ABCC6: variants seen among roughly 807,000 people sequenced by gnomAD.
ABCC6 encodes the protein ATP-binding cassette sub-family C member 6.
Under a neutral mutation model 169.5 loss-of-function variants are expected in ABCC6, and 126 were observed. That is an observed-to-expected ratio of 0.74 (90% CI 0.64 to 0.86). The LOEUF is 0.86. Ranked by LOEUF, ABCC6 falls within the 40% of genes least tolerant of loss-of-function variation. ABCC6 has a pLI of 0.00. For synonymous variants in ABCC6, 752 were observed against 814.7 expected (o/e 0.92, Z 1.31); for missense variants, 1,733 against 1,927.2 (o/e 0.90, Z 1.89).
At chr16:16,156,942 CAA>C (rs33984541) in intron 27 of ABCC6, among the ~76,000 whole-genome samples, 21,483 of 100,780 alleles carry the variant, frequency 0.21, 2,051 homozygotes, top group East Asian at 0.44. Context: ...GACTCTGTCT[CAA>C]AAAAAAAAAA....
rs1182605041 is a variant in ABCC6, at chr16:16,154,856, C to T, written c.4041+17G>A. 62 of 1,611,662 alleles carry T rather than the reference C, an allele frequency of 3.8e-5. No homozygotes were observed. Among genetic ancestry groups the T allele is most frequent in the Admixed American group, 5.0e-5 (3 of 59,800 alleles). On this transcript the variant is annotated intron_variant, in intron 28 of 30. Transcript: ENST00000205557. ...ACCATGCCTCCCATCTTTGCCCACC[C>T]CCTCCACCAGCCTCACCTGGGGGAT...
At chr16:16,178,280 T>C (rs1203955940) in intron 18 of ABCC6, among the ~76,000 whole-genome samples, 1 of 151,496 alleles carries the variant, frequency 6.6e-6, no homozygotes, top group East Asian at 1.9e-4. Context: ...TGAGCGGAGA[T>C]CGCACCACTG....
At chr16:16,166,005 G>T in intron 22 of ABCC6, 72 bp from the exon 23 acceptor site, 1 of 1,484,712 alleles carries the variant, frequency 6.7e-7, no homozygotes, top group South Asian at 1.2e-5. Context: ...CCCTGCGCAG[G>T]TCTCTCCCGC....
chr16:16,163,077 C>T lies in ABCC6; in HGVS notation c.3422G>A (p.Arg1141Gln), dbSNP rs572351621. ...CTGAGCCACAAAGGGGGCCTGGGTT[C>T]GGAATGCCCGGACCACTGTGCTGCC... ...FQGSTVVRAF[R>Q]TQAPFVAQNN... Residue 1141 changes from arginine to glutamine, a missense_variant, in exon 24 of 31, where the codon CGA becomes CAA. Arg to Gln is a conservative substitution (Grantham distance 43). Coordinates refer to ENST00000205557, the MANE Select transcript of ABCC6 (RefSeq NM_001171.6). The T allele has an allele frequency of 2.7e-4, 429 of 1,613,914 alleles. 2 individuals carry two copies. The South Asian group carries it at 4.0e-3, about 15-fold the overall frequency.
chr16:16,177,762 G>T, intron 18 of ABCC6, 136 bp from the exon 19 acceptor site: 1 of 1,047,720 alleles, frequency 9.5e-7, no homozygotes, highest in Non-Finnish European at 1.4e-6. Flanking sequence ...GGCTGACACG[G>T]CTAAGCCCCA....
chr16:16,168,301 G>GTGGCTCATGCCTGT (rs1435648783), intron 22 of ABCC6, among the ~76,000 whole-genome samples: 62 of 151,688 alleles, frequency 4.1e-4, no homozygotes, highest in African/African-American at 5.1e-4. Flanking sequence ...GACCAGCCTG[G>GTGGCTCATGCCTGT]GCAACACGGC....
chr16:16,155,271 C>T (rs2046515289), intron 27 of ABCC6: 4 of 593,136 alleles, frequency 6.7e-6, no homozygotes, highest in Admixed American at 3.1e-5. Flanking sequence ...CATCTTTCTC[C>T]CCACCCTTCC....
At chr16:16,192,298 C>T (rs1277471906) in intron 11 of ABCC6, among the ~76,000 whole-genome samples, 2 of 152,106 alleles carry the variant, frequency 1.3e-5, no homozygotes, top group Admixed American at 6.5e-5. Context: ...GCAATAAGGC[C>T]AGCTCAGGGC....
At chr16:16,207,101 C>T (rs549628061) in intron 7 of ABCC6, among the ~76,000 whole-genome samples, 1 of 152,352 alleles carries the variant, frequency 6.6e-6, no homozygotes, top group South Asian at 2.1e-4. Flanking sequence ...GATCATACCA[C>T]AACCCAGTGA....
At chr16:16,220,354 A>T (rs2141222174) in intron 2 of ABCC6, 1 of 270,862 alleles carries the variant, frequency 3.7e-6, no homozygotes, top group South Asian at 3.7e-5. Context: ...TGGGCCAGTA[A>T]GTCTCTAGGG....
At chr16:16,188,069 T>G (rs1441378853) in intron 13 of ABCC6, among the ~76,000 whole-genome samples, 4 of 151,666 alleles carry the variant, frequency 2.6e-5, no homozygotes, top group Non-Finnish European at 5.9e-5. Context: ...AAACCCTGTC[T>G]CTACTAAAAA....
chr16:16,212,028 G>A (rs1284223718), intron 6 of ABCC6, among the ~76,000 whole-genome samples, 157 bp downstream of exon 6: 2 of 140,312 alleles, frequency 1.4e-5, no homozygotes, highest in Admixed American at 1.4e-4. Flanking sequence ...GGATGCAGAT[G>A]GTAGACACTG....
At chr16:16,217,985 G>A (rs1224672915) in intron 4 of ABCC6, among the ~76,000 whole-genome samples, 1 of 152,178 alleles carries the variant, frequency 6.6e-6, no homozygotes, top group African/African-American at 2.4e-5. Context: ...AGCTACTTGG[G>A]AGGCTGAGGT....
chr16:16,166,351 TG>T (rs978407016), intron 22 of ABCC6, among the ~76,000 whole-genome samples: 2 of 151,686 alleles, frequency 1.3e-5, no homozygotes, highest in African/African-American at 2.4e-5. Context: ...GCCTGTACCC[TG>T]CTTGTTTCTT....
chr16:16,159,409 G>C, intron 26 of ABCC6, 73 bp downstream of exon 26: 1 of 1,344,548 alleles, frequency 7.4e-7, no homozygotes, highest in Non-Finnish European at 1.0e-6. Context: ...TGTAGCAGAT[G>C]TCAACAGGGA....
At chr16:16,192,757 G>A (rs6498618) in intron 11 of ABCC6, 73 bp downstream of exon 11, 4 of 1,419,808 alleles carry the variant, frequency 2.8e-6, no homozygotes, top group Non-Finnish European at 9.9e-7. Context: ...TCTCCCCTCC[G>A]CATCTCCCAC....
At chr16:16,193,677 G>A (rs1253521696) in intron 10 of ABCC6, among the ~76,000 whole-genome samples, 2 of 152,208 alleles carry the variant, frequency 1.3e-5, no homozygotes, top group East Asian at 3.9e-4. Flanking sequence ...TCGCACCACT[G>A]CACTCCAGCC....
intron 10 of ABCC6, among the ~76,000 whole-genome samples, chr16:16,194,535 G>A (rs2047971671): frequency 1.3e-5 from 2 of 152,266 alleles, no homozygotes; most frequent in South Asian, 4.1e-4. Context: ...GTGGAAGTGG[G>A]GGGTAGAATA....
chr16:16,175,792 A>G (rs1453693000), intron 20 of ABCC6, 119 bp downstream of exon 20: 7 of 1,165,904 alleles, frequency 6.0e-6, no homozygotes, highest in Non-Finnish European at 8.7e-6. Flanking sequence ...GGACTTCAGC[A>G]GGTTCTCTAT....
Sources: allele counts gnomAD v4.1 joint callset (sites outside exome capture counted in the v4.1 genomes callset), GRCh38; gene constraint gnomAD v4.1.1; transcripts MANE v1.5; gene names NCBI Gene and HGNC (gene_info 2026-07-23, HGNC 2026-07-21).